TAB2: variants seen among roughly 807,000 people sequenced by gnomAD.
TAB2 encodes TGF-beta activated kinase 1 (MAP3K7) binding protein 2.
Under a neutral mutation model 65.0 loss-of-function variants are expected in TAB2, and 3 were observed. The ratio of observed to expected loss-of-function variants is 0.05; its 90% CI spans 0.02 to 0.12. The LOEUF (loss-of-function observed/expected upper bound fraction) is 0.12. Among genes scored for constraint, TAB2 ranks in the 10% least tolerant of loss-of-function variants. TAB2 has a pLI of 1.00. For missense variants in TAB2, 623 were observed against 840.3 expected, an observed-to-expected ratio of 0.74 and a Z score of 3.20; for synonymous variants, 298 against 285.1, an observed-to-expected ratio of 1.05 and a Z score of -0.46.
chr6:149,364,698 T>A (rs1339950617), intron 1 of TAB2, among the ~76,000 whole-genome samples: 3 of 149,054 alleles, frequency 2.0e-5, no homozygotes, highest in Non-Finnish European at 4.4e-5. Flanking sequence ...TTTTAAATAC[T>A]CTTATCTAGT....
chr6:149,281,152 TG>T (rs1262783487), intron 1 of TAB2, among the ~76,000 whole-genome samples: 2 of 152,010 alleles, frequency 1.3e-5, no homozygotes. Flanking sequence ...AAAAGAAAAT[TG>T]ACTGTTTAAA....
At chr6:149,363,356 G>GA (rs1398801906) in intron 1 of TAB2, among the ~76,000 whole-genome samples, 1 of 152,144 alleles carries the variant, frequency 6.6e-6, no homozygotes, top group Admixed American at 6.5e-5. Flanking sequence ...GGAATGTGGA[G>GA]AAACAGCTCA....
chr6:149,406,780 G>A (rs553003588), intron 6 of TAB2, among the ~76,000 whole-genome samples: 4 of 152,108 alleles, frequency 2.6e-5, no homozygotes, highest in African/African-American at 7.2e-5. Flanking sequence ...GTGCAATGGC[G>A]CAATCTCGGC....
intron 1 of TAB2, 25 bp from the exon 2 acceptor site, chr6:149,369,883 TA>T: frequency 1.2e-6 from 1 of 850,316 alleles, no homozygotes; most frequent in Non-Finnish European, 2.0e-6. Flanking sequence ...CAGTTCTCAT[TA>T]AAATTTTTTT....
At chr6:149,306,203 C>T (rs895640692) in intron 1 of TAB2, among the ~76,000 whole-genome samples, 1 of 151,802 alleles carries the variant, frequency 6.6e-6, no homozygotes, top group Non-Finnish European at 1.5e-5. Flanking sequence ...GTCAAGAGTT[C>T]GAGACCAGCC....
In TAB2 at chr6:149,378,552, A is replaced by G. The variant is rs1175730231; in HGVS notation, c.637A>G (p.Ile213Val). ...ACTTAACAGTCCACAGGGAAATTCT[A>G]TCTATATTAGGCCTTACATTACAAC... is the stretch of plus-strand genomic sequence containing the variant. ...PVLNSPQGNS[I>V]YIRPYITTPG... is the part of the protein sequence containing the mutation. Residue 213 changes from isoleucine to valine, a missense_variant, in exon 3 of 7, where the codon ATC becomes GTC. Transcript: ENST00000637181. 6 of 1,613,854 alleles carry G rather than the reference A, an allele frequency of 3.7e-6. No homozygotes were observed. The highest frequency in any genetic ancestry group is 2.2e-5 in the East Asian group (1 of 44,904).
At chr6:149,372,748 A>T (rs898011672) in intron 2 of TAB2, among the ~76,000 whole-genome samples, 1 of 152,206 alleles carries the variant, frequency 6.6e-6, no homozygotes, top group African/African-American at 2.4e-5. Context: ...AAGAAATCTG[A>T]CAAGAAAGGA....
intron 1 of TAB2, among the ~76,000 whole-genome samples, chr6:149,249,135 TAC>T (rs58230516): frequency 0.087 from 11,722 of 135,270 alleles, 719 homozygotes; most frequent in African/African-American, 0.19. Flanking sequence ...CACACACACA[TAC>T]ACACACACAC....
At chr6:149,337,722 A>G (rs1248673162) in intron 1 of TAB2, among the ~76,000 whole-genome samples, 9 of 152,166 alleles carry the variant, frequency 5.9e-5, no homozygotes, top group Non-Finnish European at 1.3e-4. Flanking sequence ...TTCCTCTGCA[A>G]TTGAGTGAAA....
intron 1 of TAB2, among the ~76,000 whole-genome samples, chr6:149,295,997 C>T (rs1778870971): frequency 6.6e-6 from 1 of 152,202 alleles, no homozygotes; most frequent in Admixed American, 6.5e-5. Context: ...GTCTTGAACT[C>T]CTGACCTCGT....
At chr6:149,317,567 G>A (rs1036025149), upstream of TAB2, 1 of 155,498 alleles carries the variant, frequency 6.4e-6, no homozygotes, top group African/African-American at 2.4e-5. This position sits in a 1 kb window ranked among gnomAD's most constrained non-coding sequence, Gnocchi z 4.7. Flanking sequence ...GATTTGGACT[G>A]GGCTGGCGGA....
rs34029621 is a variant in TAB2, at chr6:149,411,404, G to A, written c.*1685G>A. 5.0e-3 allele frequency: 757 copies of A among 152,604 alleles called. 6 individuals carry two copies. The highest frequency in any genetic ancestry group is 0.018 in the African/African-American group (735 of 41,516). The allele number at this position is 152,604 out of a possible 1,614,324, so 9.5% of individuals were successfully genotyped here. On this transcript the variant is annotated 3_prime_UTR_variant, in exon 7 of 7. Transcript: ENST00000637181. ...TAAACCATAGACCCAAAGCCCTTAC[G>A]TTTGATGCAATTTATTTTTAAAATA...
chr6:149,218,594 G>T (rs7748833), upstream of TAB2: 12,699 of 294,798 alleles, frequency 0.043, 906 homozygotes, highest in African/African-American at 0.15. Flanking sequence ...TCAGGGTAGG[G>T]GTTGAAAGAC....
chr6:149,221,321 A>G (rs148514044), intron 1 of TAB2: 1 of 152,294 alleles, frequency 6.6e-6, no homozygotes, highest in Admixed American at 6.5e-5. Context: ...ACACTAGCAT[A>G]TTTTACAAGC....
chr6:149,234,742 G>T (rs1403401235), intron 1 of TAB2, among the ~76,000 whole-genome samples: 1 of 151,972 alleles, frequency 6.6e-6, no homozygotes, highest in East Asian at 1.9e-4. Flanking sequence ...CCTGGAGGGA[G>T]TTCCCTGGGT....
At chr6:149,334,913 C>T (rs1032231796) in intron 1 of TAB2, among the ~76,000 whole-genome samples, 1 of 152,098 alleles carries the variant, frequency 6.6e-6, no homozygotes, top group Admixed American at 6.6e-5. Flanking sequence ...CAGAGAAATA[C>T]ATTAGTGAGT....
At chr6:149,322,063 T>C (rs1779473260) in intron 1 of TAB2, among the ~76,000 whole-genome samples, 1 of 152,166 alleles carries the variant, frequency 6.6e-6, no homozygotes, top group Non-Finnish European at 1.5e-5. Context: ...GGAACTAATA[T>C]TTATTGAATG....
chr6:149,229,232 A>G (rs1777348532), intron 1 of TAB2, among the ~76,000 whole-genome samples: 4 of 152,200 alleles, frequency 2.6e-5, no homozygotes, highest in Admixed American at 1.3e-4. Flanking sequence ...AGAGATGCCA[A>G]AACCAAGGGG....
intron 2 of TAB2, among the ~76,000 whole-genome samples, chr6:149,376,453 T>A (rs1168479974): frequency 5.9e-5 from 9 of 152,242 alleles, no homozygotes; most frequent in African/African-American, 2.2e-4. Flanking sequence ...TCCAGCCAGA[T>A]CTGTTCCAGC....
Sources: allele counts gnomAD v4.1 joint callset (sites outside exome capture counted in the v4.1 genomes callset), GRCh38; gene constraint gnomAD v4.1.1; non-coding constraint Gnocchi (gnomAD v3.1); transcripts MANE v1.5; gene names NCBI Gene and HGNC (gene_info 2026-07-23, HGNC 2026-07-21).